Variants in GLIPR1 observed in about 807,000 individuals in gnomAD.
The protein encoded by GLIPR1 is glioma pathogenesis-related protein 1.
GLIPR1 carries 38 observed loss-of-function variants against 30.3 expected under a neutral mutation model. The ratio of observed to expected loss-of-function variants is 1.26; its 90% CI spans 0.97 to 1.65. The LOEUF (loss-of-function observed/expected upper bound fraction) is 1.65, where lower values mean the gene tolerates loss of function less well. Among genes scored for constraint, GLIPR1 ranks in the 40% most tolerant of loss-of-function variants. The probability of loss-of-function intolerance (pLI) is 0.00; values close to 1 mark genes in which losing one functional copy is unlikely to be tolerated. For synonymous variants in GLIPR1, 122 were observed against 110.6 expected (o/e 1.10, Z -0.65); for missense variants, 285 against 326.5 (o/e 0.87, Z 0.98).
chr12:75,490,544 T>TCGGCCCCGGGGGGGGGGGGGGGGG, intron 3 of GLIPR1, 26 bp downstream of exon 3: 1 of 205,640 alleles, frequency 4.9e-6, no homozygotes. Context: ...AACCGGTTTA[T>TCGGCCCCGGGGGGGGGGGGGGGGG]AGGAAACGCC....
chr12:75,501,654 T>G lies in GLIPR1; in HGVS notation c.*2676T>G. On this transcript the variant is annotated 3_prime_UTR_variant, in exon 6 of 6. Coordinates refer to ENST00000266659, the MANE Select transcript of GLIPR1 (RefSeq NM_006851.3). ...AAGATACAACTGTTTCTTAAAAAGA[T>G]TCAGACAAATTTATTATGGGTTTAC... 9.9e-7 allele frequency: 1 copy of G among 1,014,516 alleles called. No individual in the cohort carries two copies. Among genetic ancestry groups the G allele is most frequent in the Non-Finnish European group, 1.5e-6 (1 of 667,284 alleles). 62.8% of individuals were successfully genotyped at this position (1,014,516 alleles called of 1,614,324 possible). A position where few individuals can be genotyped will look rare whatever the true frequency, so the allele number is the denominator to read the frequency against.
chr12:75,487,578 G>A (rs1288631348), intron 2 of GLIPR1, among the ~76,000 whole-genome samples: 3 of 152,088 alleles, frequency 2.0e-5, no homozygotes, highest in African/African-American at 7.2e-5. Context: ...CTTGCCAAAG[G>A]AGGGTACCCT....
chr12:75,501,956 A>C lies in GLIPR1; in HGVS notation c.*2978A>C. ...CTTCCATTTTCTGCCGCTTCTTCTG[A>C]TTTGCCTTCAAAAAGTATTCACCAC... is the stretch of plus-strand genomic sequence containing the variant. On this transcript the variant is annotated 3_prime_UTR_variant, in exon 6 of 6. Coordinates refer to ENST00000266659, the MANE Select transcript of GLIPR1 (RefSeq NM_006851.3). 6.2e-7 allele frequency: 1 copy of C among 1,612,450 alleles called. No homozygotes were observed. The highest frequency in any genetic ancestry group is 1.1e-5 in the South Asian group (1 of 91,036).
chr12:75,489,068 C>T (rs557115427), intron 2 of GLIPR1, among the ~76,000 whole-genome samples: 2 of 152,146 alleles, frequency 1.3e-5, no homozygotes, highest in Non-Finnish European at 2.9e-5. Flanking sequence ...CCTTTAAATA[C>T]TCTCTTCTTT....
intron 1 of GLIPR1, chr12:75,481,299 T>C (rs912956323): frequency 1.7e-5 from 6 of 349,070 alleles, no homozygotes. Context: ...TGGTTTTCAG[T>C]GGATTTTACT....
chr12:75,487,497 GT>G (rs2046298977), intron 2 of GLIPR1, among the ~76,000 whole-genome samples: 1 of 152,232 alleles, frequency 6.6e-6, no homozygotes, highest in Non-Finnish European at 1.5e-5. Flanking sequence ...CCCGCAGGGG[GT>G]TCCTGGGGAT....
Position 75,503,748 on chromosome 12 carries a change from CTATTTA to C in GLIPR1, c.*4777_*4782del, listed in dbSNP as rs1200346806. 30 of 607,208 alleles carry C rather than the reference CTATTTA, an allele frequency of 4.9e-5. No homozygotes were observed. Among genetic ancestry groups the C allele is most frequent in the African/African-American group, 9.4e-5 (5 of 53,392 alleles). The allele number at this position is 607,208 out of a possible 1,614,324, so 37.6% of individuals were successfully genotyped here. On this transcript the variant is annotated 3_prime_UTR_variant, in exon 6 of 6. Coordinates refer to ENST00000266659, the MANE Select transcript of GLIPR1 (RefSeq NM_006851.3). ...CCCATGCACTCAGCTCAAAATATGC[CTATTTA>C]TATTTACCCTCAGTTTCTTATAGCT...
chr12:75,487,210 T>C (rs369788621), intron 2 of GLIPR1, among the ~76,000 whole-genome samples: 10 of 152,292 alleles, frequency 6.6e-5, no homozygotes, highest in African/African-American at 2.4e-4. Context: ...GCATAGGAAT[T>C]ACCTGAGGAA....
At chr12:75,483,836 T>G (rs1289457316) in intron 2 of GLIPR1, 1 of 152,178 alleles carries the variant, frequency 6.6e-6, no homozygotes, top group East Asian at 1.9e-4. Context: ...ATGGGCCTGG[T>G]ACTTTAGATC....
At chr12:75,490,362 T>G (rs746256062) in intron 2 of GLIPR1, 44 bp from the exon 3 acceptor site, 5 of 1,080,018 alleles carry the variant, frequency 4.6e-6, no homozygotes, top group Non-Finnish European at 7.2e-6. Context: ...ACCCAATGTT[T>G]ATCTTATGGT....
rs10656645 is a variant in GLIPR1 at position 75,490,552 on chromosome 12, G to GCC, written c.533+46_533+47dup. ...CTGAATCAACCGGTTTATAGGAAAC[G>GCC]CCCCCCCCCCCCCGCAAAAAAAAAC... On this transcript the variant is annotated intron_variant, in intron 3 of 5. Transcript: ENST00000266659. The GCC allele has an allele frequency of 4.4e-3, 36 of 8,188 alleles. 6 individuals carry two copies. The highest frequency in any genetic ancestry group is 0.019 in the East Asian group (3 of 154). 0.5% of individuals were successfully genotyped at this position (8,188 alleles called of 1,614,324 possible). A position where few individuals can be genotyped will look rare whatever the true frequency, so the allele number is the denominator to read the frequency against.
chr12:75,495,821 T>G (rs12819511), intron 4 of GLIPR1, 159 bp downstream of exon 4: 1 of 458,812 alleles, frequency 2.2e-6, no homozygotes, highest in Admixed American at 3.7e-5. Context: ...TAGGAATACA[T>G]TTAAGAGAAA....
At chr12:75,486,096 T>C (rs2046293011) in intron 2 of GLIPR1, among the ~76,000 whole-genome samples, 1 of 152,208 alleles carries the variant, frequency 6.6e-6, no homozygotes, top group Non-Finnish European at 1.5e-5. Flanking sequence ...AGCATCTTGC[T>C]GAGGGCATGG....
intron 2 of GLIPR1, chr12:75,484,060 C>T (rs1347109271): frequency 1.3e-5 from 2 of 152,128 alleles, no homozygotes; most frequent in African/African-American, 2.4e-5. Context: ...TGTAAAATTT[C>T]CCCTTACATC....
At chr12:75,483,376 T>C (rs549908123) in intron 2 of GLIPR1, 150 of 152,320 alleles carry the variant, frequency 9.8e-4, no homozygotes, top group African/African-American at 3.5e-3. Flanking sequence ...TTAGTCAGTG[T>C]TTAAGCTTTT....
Position 75,503,687 on chromosome 12 carries a change from C to T in GLIPR1, c.*4709C>T. The stretch of plus-strand genomic sequence containing the variant: ...TACAGGGTCACAAACCTCCTGGATG[C>T]AGTTTATAATCAATGTGAACGCCCC... On this transcript the variant is annotated 3_prime_UTR_variant, in exon 6 of 6. Coordinates refer to ENST00000266659, the MANE Select transcript of GLIPR1 (RefSeq NM_006851.3). The T allele has an allele frequency of 2.7e-6, 1 of 364,656 alleles. No individual in the cohort carries two copies. Among genetic ancestry groups the T allele is most frequent in the Non-Finnish European group, 4.9e-6 (1 of 203,330 alleles). 22.6% of individuals were successfully genotyped at this position (364,656 alleles called of 1,614,324 possible). A position where few individuals can be genotyped will look rare whatever the true frequency, so the allele number is the denominator to read the frequency against.
intron 2 of GLIPR1, among the ~76,000 whole-genome samples, chr12:75,487,465 T>C (rs1467794366): frequency 4.6e-5 from 7 of 152,256 alleles, no homozygotes; most frequent in Non-Finnish European, 8.8e-5. Flanking sequence ...AGCTGATTCA[T>C]TGCCTGTTCA....
At position 75,500,007 on chromosome 12, in the gene GLIPR1, A is replaced by G; in HGVS notation, c.*1029A>G. The G allele has an allele frequency of 2.2e-6, 3 of 1,361,640 alleles. No individual in the cohort carries two copies. The highest frequency in any genetic ancestry group is 3.0e-6 in the Non-Finnish European group (3 of 992,382). 84.3% of individuals were successfully genotyped at this position (1,361,640 alleles called of 1,614,324 possible). A position where few individuals can be genotyped will look rare whatever the true frequency, so the allele number is the denominator to read the frequency against. On this transcript the variant is annotated 3_prime_UTR_variant, in exon 6 of 6. Coordinates refer to ENST00000266659, the MANE Select transcript of GLIPR1 (RefSeq NM_006851.3). ...TACTTTAGATTTTACCAAGTAAAAC[A>G]AAGAATATATGTTTAACAAAGAATA...
At chr12:75,498,601 T>A in intron 4 of GLIPR1, 93 bp from the exon 5 acceptor site, 2 of 978,736 alleles carry the variant, frequency 2.0e-6, no homozygotes, top group South Asian at 2.8e-5. Flanking sequence ...AGCAAGTTAA[T>A]GGTCATAATT....
Sources: gnomAD v4.1 joint callset for allele counts (sites outside exome capture counted in the v4.1 genomes callset) on GRCh38, gnomAD v4.1.1 for gene constraint, MANE v1.5 for transcripts, NCBI Gene and HGNC (gene_info 2026-07-23, HGNC 2026-07-21) for gene names.